CDH23: variants seen among roughly 807,000 people sequenced by gnomAD.
CDH23 encodes the protein cadherin related 23.
Under a neutral mutation model 317.1 loss-of-function variants are expected in CDH23, and 189 were observed. That is an observed-to-expected ratio of 0.60 (90% CI 0.53 to 0.67). CDH23 has a LOEUF of 0.67. Among genes scored for constraint, CDH23 ranks in the 30% least tolerant of loss-of-function variants. The pLI, the probability that CDH23 is intolerant of heterozygous loss-of-function variation, is 0.00. For missense variants in CDH23, 4,401 were observed against 4,592.4 expected, an observed-to-expected ratio of 0.96 and a Z score of 1.20; for synonymous variants, 1,839 against 1,876.8, an observed-to-expected ratio of 0.98 and a Z score of 0.52.
intron 11 of CDH23, 44 bp downstream of exon 11, chr10:71,617,437 C>T: frequency 6.3e-7 from 1 of 1,596,812 alleles, no homozygotes. Context: ...ACCACCCATC[C>T]AGACCCACCA....
At chr10:71,705,205 G>A (rs1865741185) in intron 25 of CDH23, 75 bp downstream of exon 25, 4 of 1,369,746 alleles carry the variant, frequency 2.9e-6, no homozygotes, top group Non-Finnish European at 4.0e-6. Flanking sequence ...GGGGTAGAGG[G>A]GAGCCCATGT....
chr10:71,598,059 G>A (rs2132466837), intron 9 of CDH23, among the ~76,000 whole-genome samples: 1 of 152,328 alleles, frequency 6.6e-6, no homozygotes, highest in Non-Finnish European at 1.5e-5. Context: ...CGTCGACAGG[G>A]ACCAAGCATG....
chr10:71,591,223 T>C (rs943311510), intron 9 of CDH23, among the ~76,000 whole-genome samples: 1 of 152,230 alleles, frequency 6.6e-6, no homozygotes, highest in African/African-American at 2.4e-5. Flanking sequence ...TTCACCCGAA[T>C]GCTGGTTCCC....
intron 14 of CDH23, among the ~76,000 whole-genome samples, chr10:71,651,893 CTATT>C (rs1863192157): frequency 1.3e-5 from 2 of 152,220 alleles, no homozygotes; most frequent in African/African-American, 4.8e-5. Context: ...ACGTGTCCCT[CTATT>C]TATTAGCTCC....
chr10:71,458,889 G>A (rs146956261), intron 3 of CDH23, among the ~76,000 whole-genome samples: 1,792 of 152,234 alleles, frequency 0.012, 82 homozygotes, highest in East Asian at 0.12. Flanking sequence ...CCGGGTTCAC[G>A]CGATTCTTCT....
chr10:71,408,723 A>G (rs1848222293), intron 1 of CDH23, among the ~76,000 whole-genome samples: 1 of 152,234 alleles, frequency 6.6e-6, no homozygotes, highest in Non-Finnish European at 1.5e-5. Flanking sequence ...GAGGCTGTTA[A>G]CTAGGTGACC....
intron 36 of CDH23, among the ~76,000 whole-genome samples, chr10:71,740,189 G>A (rs1415965019): frequency 1.3e-5 from 2 of 152,258 alleles, no homozygotes; most frequent in Non-Finnish European, 2.9e-5. Flanking sequence ...GAAGAAGCAA[G>A]TGCAGGCTTG....
intron 28 of CDH23, chr10:71,719,609 A>C (rs954837383): frequency 6.5e-6 from 1 of 153,270 alleles, no homozygotes; most frequent in African/African-American, 2.4e-5. Context: ...CTTCTCCTGC[A>C]GTCCCCCAAG....
At chr10:71,632,166 C>A (rs1273609801) in intron 11 of CDH23, among the ~76,000 whole-genome samples, 1 of 152,202 alleles carries the variant, frequency 6.6e-6, no homozygotes, top group East Asian at 1.9e-4. Context: ...TTATGGAATA[C>A]CCCCACACCC....
At chr10:71,629,269 G>A (rs772238599) in intron 11 of CDH23, among the ~76,000 whole-genome samples, 1 of 152,226 alleles carries the variant, frequency 6.6e-6, no homozygotes, top group African/African-American at 2.4e-5. Context: ...GAAGAGCCAC[G>A]GAGAAAAAGA....
At chr10:71,625,643 G>T (rs1481232399) in intron 11 of CDH23, among the ~76,000 whole-genome samples, 1 of 152,094 alleles carries the variant, frequency 6.6e-6, no homozygotes, top group Non-Finnish European at 1.5e-5. Flanking sequence ...TTCACATTTG[G>T]TCCTGTTAGG....
At chr10:71,697,731 A>T (rs1227071) in intron 22 of CDH23, among the ~76,000 whole-genome samples, 1 of 151,712 alleles carries the variant, frequency 6.6e-6, no homozygotes, top group African/African-American at 2.4e-5. Flanking sequence ...TCACTCTTCT[A>T]TTCAAACCCC....
intron 14 of CDH23, among the ~76,000 whole-genome samples, chr10:71,656,789 G>T (rs1863435546): frequency 6.6e-6 from 1 of 152,162 alleles, no homozygotes; most frequent in East Asian, 1.9e-4. Context: ...GGCTGTGGTG[G>T]ATGCACAGAG....
At position 71,660,696 on chromosome 10, in the gene CDH23, TA is replaced by T. The variant is rs113874947; in HGVS notation, c.1449+14091del. On this transcript the variant is annotated intron_variant, in intron 14 of 69. Coordinates refer to ENST00000224721, the MANE Select transcript of CDH23 (RefSeq NM_022124.6). Reference sequence around the variant, plus strand: ...TAGCCAGGTAGCATTGTGTCCACCTTAAAAAAAAAAAATCAGTTTCTGTTAA... The same window carrying T: ...TAGCCAGGTAGCATTGTGTCCACCTTAAAAAAAAAAATCAGTTTCTGTTAA... 7.0e-3 allele frequency among the ~76,000 whole-genome samples: 1,031 copies of T among 147,740 alleles called. 15 individuals are homozygous for T. Among genetic ancestry groups the T allele is most frequent in the South Asian group, 0.043 (201 of 4,674 alleles).
chr10:71,646,860 C>G, intron 14 of CDH23: 1 of 1,443,270 alleles, frequency 6.9e-7, no homozygotes. Flanking sequence ...GCTGAGGACA[C>G]TGGTTTTCTG....
intron 3 of CDH23, among the ~76,000 whole-genome samples, chr10:71,495,831 A>AGAAAGAAAGAAG (rs1447440992): frequency 6.7e-6 from 1 of 148,436 alleles, no homozygotes; most frequent in African/African-American, 2.6e-5. Flanking sequence ...AAAGAAAGAA[A>AGAAAGAAAGAAG]GAAAGAAAGA....
chr10:71,606,830 C>T (rs1219497632), intron 9 of CDH23, among the ~76,000 whole-genome samples: 1 of 152,118 alleles, frequency 6.6e-6, no homozygotes, highest in South Asian at 2.1e-4. Context: ...AAGAGACCTG[C>T]AGGAAGAGGC....
At chr10:71,650,053 T>C (rs539306285) in intron 14 of CDH23, among the ~76,000 whole-genome samples, 189 of 152,264 alleles carry the variant, frequency 1.2e-3, no homozygotes, top group African/African-American at 4.4e-3. Flanking sequence ...CCTTCAGAGC[T>C]GAGGGTAAAG....
intron 1 of CDH23, among the ~76,000 whole-genome samples, chr10:71,435,787 A>G (rs1270382904): frequency 6.6e-6 from 1 of 152,196 alleles, no homozygotes; most frequent in Non-Finnish European, 1.5e-5. Context: ...GGGAACAGCT[A>G]TTGCACAGAG....
Sources: gnomAD v4.1 joint callset for allele counts (sites outside exome capture counted in the v4.1 genomes callset) on GRCh38, gnomAD v4.1.1 for gene constraint, MANE v1.5 for transcripts, NCBI Gene and HGNC (gene_info 2026-07-23, HGNC 2026-07-21) for gene names.